Variants in ASIP observed in about 807,000 individuals in gnomAD.
ASIP encodes the protein agouti signaling protein, also known as agouti-signaling protein.
Under a neutral mutation model 10.3 loss-of-function variants are expected in ASIP, and 11 were observed. The ratio of observed to expected loss-of-function variants is 1.07; its 90% CI spans 0.68 to 1.78. ASIP has a LOEUF of 1.78. ASIP is among the 40% of genes most tolerant of loss of function. The pLI, the probability that ASIP is intolerant of heterozygous loss-of-function variation, is 0.00. For missense variants in ASIP, 180 were observed against 169.2 expected, an observed-to-expected ratio of 1.06 and a Z score of -0.35; for synonymous variants, 70 against 70.8, an observed-to-expected ratio of 0.99 and a Z score of 0.06.
chr20:34,192,193 A>G (rs536304892), upstream of ASIP, among the ~76,000 whole-genome samples: 53 of 151,394 alleles, frequency 3.5e-4, 1 homozygote, highest in African/African-American at 1.2e-3. Context: ...TGAGCCACCA[A>G]GCCCAGGTAA....
At chr20:34,240,658 C>T (rs1007093972), upstream of ASIP, among the ~76,000 whole-genome samples, 5 of 152,162 alleles carry the variant, frequency 3.3e-5, no homozygotes, top group African/African-American at 1.2e-4. Context: ...TTAACTCACC[C>T]GGAATTTCTG....
In ASIP at chr20:34,268,732, T is replaced by A. The variant is rs572126254; in HGVS notation, c.223-259T>A. Reference sequence around the variant, plus strand: ...CTGGCTGACAGAGTGAAACCCTGTCTAAAAAAAAAACAAAAAACAAACAAA... The same window carrying A: ...CTGGCTGACAGAGTGAAACCCTGTCAAAAAAAAAAACAAAAAACAAACAAA... On this transcript the variant is annotated intron_variant, in intron 3 of 3. Transcript: ENST00000374954. Among the ~76,000 whole-genome samples, 20 of 137,670 alleles carry A rather than the reference T, an allele frequency of 1.5e-4. No homozygotes were observed. In the East Asian group the frequency reaches 2.7e-3, roughly 19 times the overall value. The allele number at this position is 137,670 out of a possible 152,430, so 90.3% of individuals were successfully genotyped here.
At chr20:34,197,004 T>A (rs544889493) in intron 1 of ASIP, among the ~76,000 whole-genome samples, 67 of 148,620 alleles carry the variant, frequency 4.5e-4, no homozygotes, top group South Asian at 2.2e-3. Flanking sequence ...TTTTTTTTTT[T>A]AAATTCAAAC....
At chr20:34,260,236 C>G in intron 1 of ASIP, 129 bp from the exon 2 acceptor site, 1 of 902,278 alleles carries the variant, frequency 1.1e-6, no homozygotes, top group Admixed American at 2.3e-5. Flanking sequence ...CTTGCTAATC[C>G]TCCAGCTCCA....
At chr20:34,213,505 G>A (rs2034988059) in intron 1 of ASIP, 6 of 1,454,190 alleles carry the variant, frequency 4.1e-6, no homozygotes, top group African/African-American at 1.4e-5. Context: ...CTCTAAAGCA[G>A]CAGACTGGTC....
chr20:34,201,028 C>CT (rs1285921648), intron 1 of ASIP, among the ~76,000 whole-genome samples: 1 of 90,668 alleles, frequency 1.1e-5, no homozygotes, highest in Admixed American at 1.2e-4. Flanking sequence ...TTCTTTCTTT[C>CT]TTTCTTTCTT....
intron 1 of ASIP, among the ~76,000 whole-genome samples, chr20:34,256,754 T>C (rs2035576225): frequency 6.6e-6 from 1 of 152,208 alleles, no homozygotes; most frequent in Non-Finnish European, 1.5e-5. Context: ...AACATGCCTC[T>C]TGTAACTTGC....
At chr20:34,192,665 C>T (rs1195340021), upstream of ASIP, among the ~76,000 whole-genome samples, 1 of 152,044 alleles carries the variant, frequency 6.6e-6, no homozygotes, top group Non-Finnish European at 1.5e-5. Flanking sequence ...TACAGAAAAT[C>T]AGTCAATTTC....
chr20:34,235,638 G>T (rs1211991533), intron 1 of ASIP, among the ~76,000 whole-genome samples: 1 of 151,712 alleles, frequency 6.6e-6, no homozygotes, highest in Non-Finnish European at 1.5e-5. Context: ...GAAAAGTCTG[G>T]CTGGGCATGG....
At chr20:34,211,067 G>A (rs914194286) in intron 1 of ASIP, among the ~76,000 whole-genome samples, 2 of 152,086 alleles carry the variant, frequency 1.3e-5, no homozygotes, top group African/African-American at 2.4e-5. Context: ...TGTCATCCAG[G>A]CTGGAGTACA....
At chr20:34,250,253 G>T (rs1396195202) in intron 1 of ASIP, 1 of 152,228 alleles carries the variant, frequency 6.6e-6, no homozygotes, top group Non-Finnish European at 1.5e-5. Flanking sequence ...CAAAGCCCAG[G>T]GCAGGCTGTC....
intron 1 of ASIP, among the ~76,000 whole-genome samples, chr20:34,206,247 T>G (rs2122543907): frequency 6.6e-6 from 1 of 152,336 alleles, no homozygotes; most frequent in South Asian, 2.1e-4. Context: ...TCTGCCTGCC[T>G]CAGCCTCCCA....
chr20:34,214,610 G>A (rs116872416), intron 1 of ASIP: 38,485 of 1,269,372 alleles, frequency 0.03, 758 homozygotes, highest in Non-Finnish European at 0.037. Context: ...AGTAACTCTC[G>A]TGAAACTTGA....
intron 1 of ASIP, among the ~76,000 whole-genome samples, chr20:34,259,211 A>G (rs1391627411): frequency 6.6e-6 from 1 of 151,498 alleles, no homozygotes; most frequent in African/African-American, 2.4e-5. Flanking sequence ...CTGTCTCAAA[A>G]CAAACAATGA....
chr20:34,192,567 A>G (rs2034831233), upstream of ASIP, among the ~76,000 whole-genome samples: 1 of 150,898 alleles, frequency 6.6e-6, no homozygotes, highest in South Asian at 2.1e-4. Context: ...TCTCCAGAAC[A>G]AAAAGCCCTG....
At chr20:34,191,010 A>T (rs2034821613), upstream of ASIP, among the ~76,000 whole-genome samples, 1 of 152,232 alleles carries the variant, frequency 6.6e-6, no homozygotes, top group Admixed American at 6.5e-5. Context: ...CCCCATATGC[A>T]CATATCCTGG....
chr20:34,262,217 TTTCACTTTATAAACAGA>T (rs1419951823), intron 2 of ASIP, among the ~76,000 whole-genome samples: 12 of 152,152 alleles, frequency 7.9e-5, no homozygotes, highest in African/African-American at 2.9e-4. Context: ...GTAACAGACT[TTTCACTTTATAAACAGA>T]CTTCATTTAT....
chr20:34,236,179 A>C (rs2035207573), intron 1 of ASIP, among the ~76,000 whole-genome samples: 1 of 151,932 alleles, frequency 6.6e-6, no homozygotes, highest in Non-Finnish European at 1.5e-5. Context: ...AAAGAAAGAA[A>C]GAAAAGGCTA....
chr20:34,232,875 A>C (rs563907982), intron 1 of ASIP, among the ~76,000 whole-genome samples: 1 of 152,332 alleles, frequency 6.6e-6, no homozygotes, highest in South Asian at 2.1e-4. Flanking sequence ...GCCTGATGAC[A>C]GTGTGCCTCA....
Sources: gnomAD v4.1 joint callset for allele counts (sites outside exome capture counted in the v4.1 genomes callset) on GRCh38, gnomAD v4.1.1 for gene constraint, MANE v1.5 for transcripts, NCBI Gene and HGNC (gene_info 2026-07-23, HGNC 2026-07-21) for gene names.